The following BRCA1 variants were observed in gnomAD, a reference collection of about 807,000 sequenced individuals.
BRCA1 encodes the protein breast cancer type 1 susceptibility protein.
A neutral mutation model predicts 173.7 loss-of-function variants in BRCA1; 140 were observed. That is an observed-to-expected ratio of 0.81 (90% CI 0.70 to 0.93). The LOEUF (loss-of-function observed/expected upper bound fraction) is 0.93. BRCA1 is among the 40% of genes least tolerant of loss of function. The pLI, the probability that BRCA1 is intolerant of heterozygous loss-of-function variation, is 0.00. For missense variants in BRCA1, 1,983 were observed against 2,172.5 expected (o/e 0.91, Z 1.73); for synonymous variants, 662 against 756.0 (o/e 0.88, Z 2.04).
chr17:43,162,017 C>T (rs894237801), intron 1 of BRCA1: 16 of 152,158 alleles, frequency 1.1e-4, no homozygotes, highest in Non-Finnish European at 1.9e-4. Context: ...GATATTTACT[C>T]GGGGATTCAG....
intron 3 of BRCA1, among the ~76,000 whole-genome samples, chr17:43,106,911 C>T (rs1457625623): frequency 1.3e-5 from 2 of 152,170 alleles, no homozygotes; most frequent in African/African-American, 4.8e-5. Context: ...AAAATCTCAA[C>T]ACCTCACCAC....
At chr17:43,078,850 A>T (rs1257980193) in intron 12 of BRCA1, among the ~76,000 whole-genome samples, 1 of 152,176 alleles carries the variant, frequency 6.6e-6, no homozygotes, top group Non-Finnish European at 1.5e-5. Context: ...ATAATTGATA[A>T]AGGGTAATGT....
At chr17:43,152,439 G>T (rs2056167633) in intron 1 of BRCA1, among the ~76,000 whole-genome samples, 1 of 152,174 alleles carries the variant, frequency 6.6e-6, no homozygotes, top group Admixed American at 6.5e-5. Flanking sequence ...GAGAACTCCA[G>T]GCCGGGTGCA....
chr17:43,067,592 A>G lies in BRCA1; in HGVS notation c.5074+16T>C, dbSNP rs746775027. 2.5e-6 allele frequency: 4 copies of G among 1,586,252 alleles called. No individual in the cohort carries two copies. The highest frequency in any genetic ancestry group is 3.5e-6 in the Non-Finnish European group (4 of 1,154,816). ...TGCAGCAGATGCAAGGTATTCTGTA[A>G]AGGTTCTTGGTATACCTGTTTTCAT... On this transcript the variant is annotated intron_variant, in intron 16 of 22. Coordinates refer to ENST00000357654, the MANE Select transcript of BRCA1 (RefSeq NM_007294.4).
intron 18 of BRCA1, among the ~76,000 whole-genome samples, chr17:43,058,560 G>A (rs564895974): frequency 6.6e-5 from 10 of 152,044 alleles, no homozygotes; most frequent in Non-Finnish European, 1.5e-4. Context: ...CTTAACAATC[G>A]GCTTTTCACC....
intron 1 of BRCA1, among the ~76,000 whole-genome samples, chr17:43,169,553 C>A (rs2056303096): frequency 6.6e-6 from 1 of 152,170 alleles, no homozygotes. Context: ...ACACACTGTG[C>A]CCCCAACCTG....
chr17:43,158,154 A>C (rs1487647223), intron 1 of BRCA1, among the ~76,000 whole-genome samples: 1 of 152,182 alleles, frequency 6.6e-6, no homozygotes, highest in Non-Finnish European at 1.5e-5. Context: ...TGATGGTTTA[A>C]TTTGCCATAA....
chr17:43,048,242 G>A (rs561974843), intron 21 of BRCA1, among the ~76,000 whole-genome samples: 21 of 151,264 alleles, frequency 1.4e-4, no homozygotes, highest in African/African-American at 4.4e-4. Context: ...TCGCTCTGTC[G>A]CCCGGGCTGG....
intron 7 of BRCA1, among the ~76,000 whole-genome samples, chr17:43,099,027 T>C (rs2054256241): frequency 6.6e-6 from 1 of 150,880 alleles, no homozygotes; most frequent in Non-Finnish European, 1.5e-5. Context: ...TTCTCCATGT[T>C]GGTCAGGCTG....
At chr17:43,074,870 G>A (rs771909778) in intron 13 of BRCA1, among the ~76,000 whole-genome samples, 24 of 151,478 alleles carry the variant, frequency 1.6e-4, no homozygotes, top group Admixed American at 7.3e-4. Context: ...GCAGTGAGCC[G>A]AGATCACGCC....
intron 16 of BRCA1, among the ~76,000 whole-genome samples, chr17:43,064,289 T>C (rs2051956253): frequency 6.6e-6 from 1 of 152,194 alleles, no homozygotes; most frequent in South Asian, 2.1e-4. Context: ...GTCAATAGTT[T>C]TGATTAATGT....
At chr17:43,124,204 A>C (rs566378020) in intron 1 of BRCA1, 89 bp from the exon 2 acceptor site, 1 of 825,116 alleles carries the variant, frequency 1.2e-6, no homozygotes, top group East Asian at 2.7e-5. Context: ...AATAAAGTAA[A>C]TTTAAGATTT....
At position 43,049,213 on chromosome 17, in the gene BRCA1, T is replaced by C; in HGVS notation, c.5333-19A>G. 4 of 1,611,312 alleles carry C rather than the reference T, an allele frequency of 2.5e-6. No individual in the cohort carries two copies. The highest frequency in any genetic ancestry group is 2.2e-5 in the South Asian group (2 of 90,998). ...AGTTGATCTAAAATGGACATTTAGA[T>C]GTAAAATCACTGCAGTAATCTGCAT... On this transcript the variant is annotated intron_variant, in intron 20 of 22. Coordinates refer to ENST00000357654, the MANE Select transcript of BRCA1 (RefSeq NM_007294.4).
chr17:43,092,184 A>ACTT lies in BRCA1; in HGVS notation c.3344_3346dup (p.Glu1115dup), dbSNP rs80358336. On this transcript the variant is annotated inframe_insertion, in exon 10 of 23. Coordinates refer to ENST00000357654, the MANE Select transcript of BRCA1 (RefSeq NM_007294.4). ...GAAATCTGTATTAACAGTCTGAACT[A>ACTT]CTTCTTCATATTCTTGCTTTTTTAT... The ACTT allele has an allele frequency of 1.2e-6, 2 of 1,613,174 alleles. No homozygotes were observed. Among genetic ancestry groups the ACTT allele is most frequent in the Non-Finnish European group, 1.7e-6 (2 of 1,179,898 alleles).
intron 16 of BRCA1, 199 bp downstream of exon 16, chr17:43,067,409 C>A: frequency 2.1e-6 from 1 of 474,830 alleles, no homozygotes; most frequent in Non-Finnish European, 3.9e-6. Context: ...CGCACGCGAC[C>A]ACACCCAGCT....
intron 11 of BRCA1, 134 bp downstream of exon 11, chr17:43,090,810 A>G: frequency 1.1e-6 from 1 of 870,066 alleles, no homozygotes; most frequent in East Asian, 2.6e-5. Context: ...TAATTTAAGG[A>G]GACAATGAAC....
At chr17:43,085,339 A>G (rs1371616045) in intron 11 of BRCA1, among the ~76,000 whole-genome samples, 4 of 152,062 alleles carry the variant, frequency 2.6e-5, no homozygotes. Flanking sequence ...CAGCCTGGGC[A>G]ACAGAGCAAA....
At chr17:43,096,663 T>C (rs1170013813) in intron 8 of BRCA1, among the ~76,000 whole-genome samples, 1 of 150,980 alleles carries the variant, frequency 6.6e-6, no homozygotes. Flanking sequence ...TTATATAACA[T>C]ACAGACAAAG....
intron 1 of BRCA1, among the ~76,000 whole-genome samples, chr17:43,133,858 C>T (rs1225394322): frequency 1.3e-5 from 2 of 152,210 alleles, no homozygotes; most frequent in African/African-American, 4.8e-5. Flanking sequence ...TGGTCTCAAA[C>T]TCCTGACCTC....
Sources: gnomAD v4.1 joint callset for allele counts (sites outside exome capture counted in the v4.1 genomes callset) on GRCh38, gnomAD v4.1.1 for gene constraint, MANE v1.5 for transcripts, NCBI Gene and HGNC (gene_info 2026-07-23, HGNC 2026-07-21) for gene names.